Variants in USP34 observed in about 807,000 individuals in gnomAD.
The protein encoded by USP34 is ubiquitin specific peptidase 34.
A neutral mutation model predicts 460.3 loss-of-function variants in USP34; 70 were observed. The observed-to-expected ratio is 0.15, with a 90% CI of 0.13 to 0.19. The LOEUF is 0.19. Ranked by LOEUF, USP34 falls within the 10% of genes least tolerant of loss-of-function variation. USP34 has a pLI of 1.00. For synonymous variants in USP34, 1,647 were observed against 1,405.3 expected (o/e 1.17, Z -3.85); for missense variants, 3,985 against 4,236.2 (o/e 0.94, Z 1.65).
rs771430227 is a variant in USP34, at chr2:61,227,262, A to G, written c.7444-44T>C. The G allele has an allele frequency of 9.0e-6, 14 of 1,557,528 alleles. No homozygotes were observed. In the Admixed American group the frequency reaches 1.8e-4, roughly 20 times the overall value. On this transcript the variant is annotated intron_variant, in intron 61 of 79. Coordinates refer to ENST00000398571, the MANE Select transcript of USP34 (RefSeq NM_014709.4). ...CAATTTTAATACGGTAGTAGTTTTA[A>G]TATCATTTTGAGAACAAATGACTTG...
chr2:61,430,380 G>T (rs1049823541), intron 1 of USP34, among the ~76,000 whole-genome samples: 1 of 152,200 alleles, frequency 6.6e-6, no homozygotes, highest in African/African-American at 2.4e-5. Flanking sequence ...CTCCGGCCTG[G>T]GTGGCAGAGC....
chr2:61,469,612 T>C (rs1695887642), intron 1 of USP34, among the ~76,000 whole-genome samples: 1 of 152,216 alleles, frequency 6.6e-6, no homozygotes, highest in Admixed American at 6.5e-5. Flanking sequence ...GTACATTTTA[T>C]AAATCAACTG....
chr2:61,286,770 T>A (rs1424072813), intron 34 of USP34, among the ~76,000 whole-genome samples: 1 of 152,226 alleles, frequency 6.6e-6, no homozygotes, highest in Admixed American at 6.5e-5. Flanking sequence ...TTGTGTATTA[T>A]GAATTTTCAA....
chr2:61,340,248 T>G (rs1313960204), intron 16 of USP34, among the ~76,000 whole-genome samples: 1 of 152,174 alleles, frequency 6.6e-6, no homozygotes, highest in Non-Finnish European at 1.5e-5. Context: ...TAATTTACCC[T>G]TAACATTCAA....
At chr2:61,237,619 G>A (rs1237964808) in intron 53 of USP34, among the ~76,000 whole-genome samples, 2 of 135,134 alleles carry the variant, frequency 1.5e-5, no homozygotes, top group African/African-American at 2.8e-5. Flanking sequence ...CTGGGCTGGA[G>A]TGCAGCAGCA....
intron 53 of USP34, 57 bp from the exon 54 acceptor site, chr2:61,236,446 C>A: frequency 2.3e-6 from 3 of 1,289,790 alleles, no homozygotes; most frequent in South Asian, 3.0e-5. Flanking sequence ...TACATTTTAC[C>A]AATATTTTTA....
At chr2:61,302,166 C>T (rs899886440) in intron 27 of USP34, among the ~76,000 whole-genome samples, 1 of 151,988 alleles carries the variant, frequency 6.6e-6, no homozygotes, top group Admixed American at 6.6e-5. Flanking sequence ...GAAAATTAAG[C>T]AAAATTAAAT....
intron 1 of USP34, among the ~76,000 whole-genome samples, chr2:61,441,975 T>C (rs1001739548): frequency 6.6e-6 from 1 of 152,006 alleles, no homozygotes. Flanking sequence ...AATACACGTA[T>C]CTACAGTCAA....
At chr2:61,333,728 G>C (rs1407897015) in intron 19 of USP34, among the ~76,000 whole-genome samples, 154 bp downstream of exon 19, 4 of 152,046 alleles carry the variant, frequency 2.6e-5, no homozygotes, top group Admixed American at 1.3e-4. Context: ...AATCTCTACA[G>C]GGGTAAGTGG....
At chr2:61,317,889 T>C (rs1690798991) in intron 22 of USP34, 122 bp from the exon 23 acceptor site, 1 of 666,192 alleles carries the variant, frequency 1.5e-6, no homozygotes, top group Non-Finnish European at 2.4e-6. Flanking sequence ...GAATTTTTAG[T>C]GATAATTTTA....
intron 41 of USP34, among the ~76,000 whole-genome samples, chr2:61,268,056 G>C (rs1689104858): frequency 6.6e-6 from 1 of 152,048 alleles, no homozygotes; most frequent in African/African-American, 2.4e-5. Flanking sequence ...ACCTGGCAAA[G>C]GGCTTATTTT....
chr2:61,360,726 G>C (rs1692250081), intron 10 of USP34, among the ~76,000 whole-genome samples: 1 of 152,164 alleles, frequency 6.6e-6, no homozygotes, highest in Admixed American at 6.5e-5. Context: ...GCACCATCTT[G>C]GCTCATTGCA....
In USP34 at chr2:61,190,303, C is replaced by G; in HGVS notation, c.9841G>C (p.Glu3281Gln). The change falls in exon 78 of 80, where the codon GAA (glutamate) becomes CAA (glutamine). Residue 3281 changes from glutamate (E) to glutamine (Q), a missense_variant. Physicochemically the swap from Glu to Gln is conservative, Grantham distance 29. Transcript: ENST00000398571. ...NLQSDFSNRV[E>Q]ISKASASLNG... Reference sequence around the variant, plus strand: ...AAAGAAGCACTTGCTTTGGAAATTTCAACTCGGTTGGAGAAATCAGACTGT... The same window carrying G: ...AAAGAAGCACTTGCTTTGGAAATTTGAACTCGGTTGGAGAAATCAGACTGT... 1.2e-6 allele frequency: 2 copies of G among 1,613,406 alleles called. No individual in the cohort carries two copies. The highest frequency in any genetic ancestry group is 1.7e-6 in the Non-Finnish European group (2 of 1,179,818).
chr2:61,339,902 C>G (rs1229658651), intron 16 of USP34, among the ~76,000 whole-genome samples: 3 of 151,852 alleles, frequency 2.0e-5, no homozygotes, highest in Non-Finnish European at 4.4e-5. Flanking sequence ...GAACTTGTGG[C>G]CTCCAGTAAT....
chr2:61,189,030 G>T lies in USP34; in HGVS notation c.9913C>A (p.Pro3305Thr), dbSNP rs1686538472. 6.2e-7 allele frequency: 1 copy of T among 1,614,188 alleles called. No homozygotes were observed. Among genetic ancestry groups the T allele is most frequent in the Non-Finnish European group, 8.5e-7 (1 of 1,180,050 alleles). The change falls in exon 79 of 80, where the codon CCC (proline) becomes ACC (threonine). Residue 3305 changes from proline (P) to threonine (T), a missense_variant. Pro to Thr is a conservative substitution (Grantham distance 38). Transcript: ENST00000398571. ...ALALLLSVHT[P>T]KQLNPALIPT... is the part of the protein sequence containing the mutation. ...ATTAGAGCTGGGTTTAACTGTTTGG[G>T]AGTGTGTACTGACAGGAGCAAAGCG... is the stretch of plus-strand genomic sequence containing the variant.
At chr2:61,325,351 A>C in intron 21 of USP34, 24 bp downstream of exon 21, 1 of 1,483,042 alleles carries the variant, frequency 6.7e-7, no homozygotes, top group East Asian at 2.4e-5. Context: ...CAGATTTTTA[A>C]AAAGTACTGA....
intron 41 of USP34, 102 bp downstream of exon 41, chr2:61,278,063 G>T: frequency 7.3e-7 from 1 of 1,378,878 alleles, no homozygotes; most frequent in Non-Finnish European, 9.9e-7. Context: ...CCCAGTCTCG[G>T]GTATGCCTTT....
intron 1 of USP34, among the ~76,000 whole-genome samples, chr2:61,454,984 C>T (rs573121486): frequency 6.7e-6 from 1 of 149,408 alleles, no homozygotes; most frequent in South Asian, 2.1e-4. Flanking sequence ...CAAGTTGAAG[C>T]GATTCTCCCG....
chr2:61,322,793 TATAA>T (rs1423017979), intron 21 of USP34, among the ~76,000 whole-genome samples: 1 of 152,184 alleles, frequency 6.6e-6, no homozygotes, highest in African/African-American at 2.4e-5. Flanking sequence ...TAGAAGCAAA[TATAA>T]ATAAACCCAA....
Sources: allele counts gnomAD v4.1 joint callset (sites outside exome capture counted in the v4.1 genomes callset), GRCh38; gene constraint gnomAD v4.1.1; transcripts MANE v1.5; gene names NCBI Gene and HGNC (gene_info 2026-07-23, HGNC 2026-07-21).